Variants in MACO1 observed in about 807,000 individuals in gnomAD.
MACO1 encodes the protein macoilin 1, also known as macoilin.
Under a neutral mutation model 78.7 loss-of-function variants are expected in MACO1, and 14 were observed. The ratio of observed to expected loss-of-function variants is 0.18; its 90% confidence interval spans 0.12 to 0.28. The LOEUF (loss-of-function observed/expected upper bound fraction) is 0.28, where lower values mean the gene tolerates loss of function less well. MACO1 is among the 10% of genes least tolerant of loss of function. The pLI, the probability that MACO1 is intolerant of heterozygous loss-of-function variation, is 1.00. For missense variants in MACO1, 501 were observed against 799.0 expected (o/e 0.63, Z 4.50); for synonymous variants, 288 against 291.6 (o/e 0.99, Z 0.12).
chr1:25,434,137 A>G (rs1042158774), intron 1 of MACO1, among the ~76,000 whole-genome samples: 2 of 152,220 alleles, frequency 1.3e-5, no homozygotes, highest in Non-Finnish European at 2.9e-5. Flanking sequence ...TTTAGACATT[A>G]TGTTAATGTA....
At chr1:25,437,875 C>G (rs750661296) in intron 1 of MACO1, among the ~76,000 whole-genome samples, 1 of 152,092 alleles carries the variant, frequency 6.6e-6, no homozygotes, top group Non-Finnish European at 1.5e-5. Context: ...GTGCCATGAT[C>G]GTGTCACTAC....
At chr1:25,441,438 G>C (rs1219647331) in intron 1 of MACO1, among the ~76,000 whole-genome samples, 1 of 152,176 alleles carries the variant, frequency 6.6e-6, no homozygotes, top group Admixed American at 6.5e-5. Context: ...ACCCGCCTCA[G>C]CCTCCCAAAG....
chr1:25,464,338 C>CTTTTTTTTTTTTTTTTTTTTTTTTTT, intron 6 of MACO1, among the ~76,000 whole-genome samples: 1 of 80,976 alleles, frequency 1.2e-5, no homozygotes, highest in Non-Finnish European at 2.2e-5. Context: ...TTTTTCTTCT[C>CTTTTTTTTTTTTTTTTTTTTTTTTTT]TTTTTTTTTT....
chr1:25,482,485 C>T (rs1044358761), intron 6 of MACO1, among the ~76,000 whole-genome samples: 2 of 152,168 alleles, frequency 1.3e-5, no homozygotes, highest in Admixed American at 6.5e-5. Context: ...TAATGGCTTG[C>T]CCGCACATGT....
chr1:25,480,576 G>T (rs563020837), intron 6 of MACO1, among the ~76,000 whole-genome samples: 2 of 151,884 alleles, frequency 1.3e-5, no homozygotes, highest in East Asian at 3.8e-4. Context: ...TTTTATTTTT[G>T]TTGTATTGTG....
chr1:25,455,704 TTGGC>T, intron 4 of MACO1, among the ~76,000 whole-genome samples: 1 of 152,330 alleles, frequency 6.6e-6, no homozygotes, highest in Non-Finnish European at 1.5e-5. Context: ...AAACCAAATC[TTGGC>T]ACTGATCATA....
rs527544551 is a variant in MACO1, at chr1:25,488,325, C to T, written c.1497-848C>T. Reference sequence around the variant, plus strand: ...CTTGGCCTTGGGAGTGCTGGGATTACGGGCATGAGCCACCATGCCCAGCCC... The same window carrying T: ...CTTGGCCTTGGGAGTGCTGGGATTATGGGCATGAGCCACCATGCCCAGCCC... On this transcript the variant is annotated intron_variant, in intron 8 of 10. Transcript: ENST00000374343. Among the ~76,000 whole-genome samples the T allele has an allele frequency of 5.9e-4, 90 of 152,228 alleles. No individual in the cohort carries two copies. In the South Asian group the frequency reaches 0.018, roughly 30 times the overall value.
chr1:25,430,993 G>T lies in MACO1; in HGVS notation c.-106G>T. ...TGCTGGCTCCATGTCTGTGTGACCG[G>T]CCTCAGGGGTAGAGTCCAGGCCCGA... On this transcript the variant is annotated 5_prime_UTR_variant, in exon 1 of 11. Coordinates refer to ENST00000374343, the MANE Select transcript of MACO1 (RefSeq NM_018202.6). The T allele has an allele frequency of 1.3e-6, 1 of 787,910 alleles. No homozygotes were observed. 48.8% of individuals were successfully genotyped at this position (787,910 alleles called of 1,614,324 possible).
chr1:25,454,908 C>T (rs2043106199), intron 4 of MACO1, among the ~76,000 whole-genome samples: 1 of 152,006 alleles, frequency 6.6e-6, no homozygotes, highest in South Asian at 2.1e-4. Context: ...AGACCATGAG[C>T]CCCCCCTTTT....
intron 1 of MACO1, among the ~76,000 whole-genome samples, chr1:25,444,012 G>A (rs2042994288): frequency 3.3e-5 from 5 of 151,582 alleles, no homozygotes; most frequent in Admixed American, 3.3e-4. Context: ...AGCACTTTGG[G>A]AGGCCAAGGC....
chr1:25,468,071 A>T (rs1309660614), intron 6 of MACO1, among the ~76,000 whole-genome samples: 1 of 152,088 alleles, frequency 6.6e-6, no homozygotes, highest in Non-Finnish European at 1.5e-5. Context: ...TCTCATGGCT[A>T]AAATCTGTAG....
chr1:25,453,660 CA>C (rs532604219), intron 3 of MACO1, among the ~76,000 whole-genome samples: 6,238 of 69,140 alleles, frequency 0.09, 338 homozygotes, highest in African/African-American at 0.29. Flanking sequence ...GAGACTCCCT[CA>C]AAAAAAAAAA....
chr1:25,484,325 T>G, intron 7 of MACO1, 51 bp downstream of exon 7: 1 of 1,517,484 alleles, frequency 6.6e-7, no homozygotes, highest in South Asian at 1.3e-5. Flanking sequence ...CTTCACTGCT[T>G]CTCCTGTTGC....
At chr1:25,445,383 A>G (rs910015756) in intron 1 of MACO1, among the ~76,000 whole-genome samples, 2 of 152,072 alleles carry the variant, frequency 1.3e-5, no homozygotes, top group Non-Finnish European at 2.9e-5. Context: ...CTTATTATCA[A>G]ACCTAAAGAA....
intron 1 of MACO1, 102 bp downstream of exon 1, chr1:25,431,280 C>G (rs1557654270): frequency 2.4e-6 from 2 of 848,366 alleles, no homozygotes; most frequent in African/African-American, 1.8e-5. Flanking sequence ...GCCGCACGCC[C>G]GCGCCGGGGG....
chr1:25,455,297 A>T (rs1261423010), intron 4 of MACO1, among the ~76,000 whole-genome samples: 2 of 152,208 alleles, frequency 1.3e-5, no homozygotes, highest in Non-Finnish European at 2.9e-5. Context: ...ACATTTTTGA[A>T]AAATGAGCTT....
intron 6 of MACO1, among the ~76,000 whole-genome samples, chr1:25,472,178 T>G (rs2043276963): frequency 6.6e-6 from 1 of 151,980 alleles, no homozygotes; most frequent in South Asian, 2.1e-4. Flanking sequence ...GAAATACAGC[T>G]CAGATCCCAC....
chr1:25,448,005 AATT>A (rs2043030847), intron 2 of MACO1, among the ~76,000 whole-genome samples: 1 of 152,176 alleles, frequency 6.6e-6, no homozygotes, highest in Non-Finnish European at 1.5e-5. Context: ...GCATTATTAA[AATT>A]ATTATTAGTT....
chr1:25,448,732 A>G (rs985099445), intron 2 of MACO1, 76 bp from the exon 3 acceptor site: 1 of 1,351,018 alleles, frequency 7.4e-7, no homozygotes, highest in Non-Finnish European at 9.8e-7. Flanking sequence ...TTTGTCCAAC[A>G]TGTGTTTAAC....
Sources: gnomAD v4.1 joint callset for allele counts (sites outside exome capture counted in the v4.1 genomes callset) on GRCh38, gnomAD v4.1.1 for gene constraint, MANE v1.5 for transcripts, NCBI Gene and HGNC (gene_info 2026-07-23, HGNC 2026-07-21) for gene names.